The following MYOM3 variants were observed in gnomAD, a reference collection of about 807,000 sequenced individuals.
MYOM3 encodes myomesin 3, also known as myomesin-3.
A neutral mutation model predicts 191.7 loss-of-function variants in MYOM3; 155 were observed. The observed-to-expected ratio is 0.81, with a 90% CI of 0.71 to 0.92. The LOEUF is 0.92. MYOM3 is among the 40% of genes least tolerant of loss of function. The pLI is 0.00. For missense variants in MYOM3, 1,889 were observed against 1,890.6 expected (o/e 1.00, Z 0.02); for synonymous variants, 757 against 762.9 (o/e 0.99, Z 0.13).
At position 24,067,937 on chromosome 1, in the gene MYOM3, A is replaced by G. The variant is rs748409425; in HGVS notation, c.3355+33T>C. ...GCATCTCTAGCACGAACCAGTGGCC[A>G]GGGATTTTGAACTTCACCCCAGCAG... is the stretch of plus-strand genomic sequence containing the variant. On this transcript the variant is annotated intron_variant, in intron 27 of 36. Transcript: ENST00000374434. The G allele has an allele frequency of 3.1e-6, 5 of 1,608,024 alleles. No homozygotes were observed. In the South Asian group the frequency reaches 5.5e-5, roughly 18 times the overall value.
Position 24,082,184 on chromosome 1 carries a change from G to A in MYOM3, c.2097C>T (p.Thr699=), listed in dbSNP as rs754171491. The A allele has an allele frequency of 3.7e-6, 6 of 1,605,882 alleles. No homozygotes were observed. The Admixed American group carries it at 6.7e-5, about 18-fold the overall frequency. The change falls in exon 18 of 37, where the codon ACC becomes ACT. Residue 699 remains threonine (T), a synonymous_variant. Transcript: ENST00000374434. ...EPIRVKQALA[T]PSAPYGFALL... ...GGGCAAAGCCATATGGGGCAGACGG[G>A]GTAGCTACAGGGAGGTAAGGAGGTG...
At position 24,091,140 on chromosome 1, in the gene MYOM3, C is replaced by A; in HGVS notation, c.1233-144G>T. 2 of 992,026 alleles carry A rather than the reference C, an allele frequency of 2.0e-6. 1 individual carries two copies. Among genetic ancestry groups the A allele is most frequent in the Non-Finnish European group, 2.9e-6 (2 of 690,856 alleles). 61.5% of individuals were successfully genotyped at this position (992,026 alleles called of 1,614,324 possible). ...AAAGTTCTTCTCTCCAATGGAAGAGCCTGGCTCCAACCTCGGGCCCCCGGG... is the reference window on the plus strand; with the variant it reads ...AAAGTTCTTCTCTCCAATGGAAGAGACTGGCTCCAACCTCGGGCCCCCGGG... On this transcript the variant is annotated intron_variant, in intron 11 of 36. Coordinates refer to ENST00000374434, the MANE Select transcript of MYOM3 (RefSeq NM_152372.4).
chr1:24,105,359 T>A (rs1570888864), intron 5 of MYOM3, among the ~76,000 whole-genome samples: 2 of 152,080 alleles, frequency 1.3e-5, no homozygotes, highest in African/African-American at 4.8e-5. Context: ...GAACACAAGG[T>A]TCTCGCTACA....
chr1:24,094,768 G>C (rs1372240104), intron 9 of MYOM3, 85 bp downstream of exon 9: 6 of 1,366,600 alleles, frequency 4.4e-6, no homozygotes, highest in South Asian at 1.4e-5. Context: ...GAGAGTCTCT[G>C]TCCGCTAGGG....
At position 24,081,386 on chromosome 1, in the gene MYOM3, T is replaced by C; in HGVS notation, c.2351A>G (p.Glu784Gly). ...AAACAGGCTGCTGGGTGCCGACAGC[T>C]CGCCAACACCTGCCCAGTTGGCAGC... Reference protein sequence around the residue: ...ARAANWAGVGELSAPSSLFEC... With the variant: ...ARAANWAGVGGLSAPSSLFEC... The change falls in exon 19 of 37, where the codon GAG (glutamate) becomes GGG (glycine). Residue 784 changes from glutamate to glycine, a missense_variant. Transcript: ENST00000374434. 2.5e-6 allele frequency: 4 copies of C among 1,614,152 alleles called. No individual in the cohort carries two copies. The highest frequency in any genetic ancestry group is 3.4e-6 in the Non-Finnish European group (4 of 1,180,032).
At chr1:24,105,248 A>G (rs1643972605) in intron 5 of MYOM3, among the ~76,000 whole-genome samples, 1 of 152,228 alleles carries the variant, frequency 6.6e-6, no homozygotes, top group South Asian at 2.1e-4. Flanking sequence ...GAGGTCTTCA[A>G]TCCACTCTTC....
At chr1:24,106,140 A>C in intron 4 of MYOM3, 63 bp from the exon 5 acceptor site, 1 of 1,506,572 alleles carries the variant, frequency 6.6e-7, no homozygotes, top group South Asian at 1.3e-5. Flanking sequence ...CATCTTTGCC[A>C]TTACCTCCCC....
In MYOM3 at chr1:24,073,237, G is replaced by A. The variant is rs995946061; in HGVS notation, c.2968+923C>T. ...TTATGGAACTGGAATTGGAACCTGG[G>A]TCTCTCTGGCTTCTGTTTCTTAACA... On this transcript the variant is annotated intron_variant, in intron 23 of 36. Transcript: ENST00000374434. Among the ~76,000 whole-genome samples the A allele has an allele frequency of 2.0e-5, 3 of 152,122 alleles. No homozygotes were observed. The East Asian group carries it at 5.8e-4, about 29-fold the overall frequency.
intron 18 of MYOM3, 168 bp downstream of exon 18, chr1:24,081,833 T>C (rs1166418684): frequency 5.8e-6 from 4 of 690,406 alleles, no homozygotes; most frequent in Non-Finnish European, 9.6e-6. Context: ...TTGGTGGCTC[T>C]AAACAGTTCT....
chr1:24,091,101 C>T, intron 11 of MYOM3, 105 bp from the exon 12 acceptor site: 1 of 1,276,216 alleles, frequency 7.8e-7, no homozygotes, highest in Non-Finnish European at 1.1e-6. Flanking sequence ...CTGCCCAGCT[C>T]ATCTCTGCCA....
At chr1:24,085,637 C>G (rs1295327212) in intron 15 of MYOM3, among the ~76,000 whole-genome samples, 1 of 152,152 alleles carries the variant, frequency 6.6e-6, no homozygotes, top group African/African-American at 2.4e-5. Context: ...CACCTCTAGC[C>G]CTGCCCTCCC....
chr1:24,072,767 T>A (rs1643548031), intron 23 of MYOM3, among the ~76,000 whole-genome samples: 1 of 152,158 alleles, frequency 6.6e-6, no homozygotes, highest in African/African-American at 2.4e-5. Flanking sequence ...ACTCCTGACT[T>A]CAGGTGATCC....
chr1:24,089,480 T>A, intron 14 of MYOM3, 58 bp downstream of exon 14: 1 of 1,537,180 alleles, frequency 6.5e-7, no homozygotes, highest in Non-Finnish European at 8.7e-7. Flanking sequence ...CTGCCCAGGG[T>A]CCCACAGCAC....
At chr1:24,104,564 C>A (rs6703794) in intron 5 of MYOM3, among the ~76,000 whole-genome samples, 1 of 152,030 alleles carries the variant, frequency 6.6e-6, no homozygotes, top group South Asian at 2.1e-4. Flanking sequence ...CAACCTCCGC[C>A]TCCCGGGTTC....
rs1643887748 is a variant in MYOM3 at position 24,098,030 on chromosome 1, G to A, written c.657-19C>T. ...GGCGCATCTGAAAAGGAGAGAGGGA[G>A]AAGTTCCTCCCAAGACTGCTGGGCT... On this transcript the variant is annotated intron_variant, in intron 6 of 36. Coordinates refer to ENST00000374434, the MANE Select transcript of MYOM3 (RefSeq NM_152372.4). 1 of 1,548,954 alleles carries A rather than the reference G, an allele frequency of 6.5e-7. No individual in the cohort carries two copies. The highest frequency in any genetic ancestry group is 1.4e-5 in the African/African-American group (1 of 73,796).
Sources: allele counts gnomAD v4.1 joint callset (sites outside exome capture counted in the v4.1 genomes callset), GRCh38; gene constraint gnomAD v4.1.1; transcripts MANE v1.5; gene names NCBI Gene and HGNC (gene_info 2026-07-23, HGNC 2026-07-21).